UVRAG: variants seen among roughly 807,000 people sequenced by gnomAD.
UVRAG encodes UV radiation resistance associated.
Under a neutral mutation model 78.0 loss-of-function variants are expected in UVRAG, and 19 were observed. That is an observed-to-expected ratio of 0.24 (90% confidence interval 0.17 to 0.36). UVRAG has a LOEUF of 0.36. UVRAG is among the 10% of genes least tolerant of loss of function. The pLI is 1.00. For missense variants in UVRAG, 740 were observed against 853.8 expected (o/e 0.87, Z 1.66); for synonymous variants, 323 against 324.6 (o/e 1.00, Z 0.05).
intron 6 of UVRAG, among the ~76,000 whole-genome samples, chr11:75,945,927 C>T (rs897987169): frequency 7.9e-5 from 12 of 152,052 alleles, no homozygotes; most frequent in Admixed American, 7.2e-4. Context: ...CACTTGACCC[C>T]GTCCCTAGAA....
In UVRAG at chr11:76,004,711, G is replaced by A. The variant is rs527880791; in HGVS notation, c.911+622G>A. ...TGCAGTCGTAGCTCACTATGGCCTC[G>A]AACTTCTGGCCTCAAGTGATGCTCC... On this transcript the variant is annotated intron_variant, in intron 9 of 14. Coordinates refer to ENST00000356136, the MANE Select transcript of UVRAG (RefSeq NM_003369.4). Among the ~76,000 whole-genome samples, 14 of 151,872 alleles carry A rather than the reference G, an allele frequency of 9.2e-5. No individual in the cohort carries two copies. In the South Asian group the frequency reaches 1.7e-3, roughly 18 times the overall value.
intron 3 of UVRAG, among the ~76,000 whole-genome samples, chr11:75,871,593 T>A (rs1946653685): frequency 2.0e-5 from 3 of 152,216 alleles, no homozygotes; most frequent in Admixed American, 2.0e-4. Context: ...CTGCATCTGC[T>A]CTTTTGCTCA....
intron 1 of UVRAG, among the ~76,000 whole-genome samples, chr11:75,833,366 C>T (rs1372249355): frequency 6.6e-6 from 1 of 152,110 alleles, no homozygotes; most frequent in Non-Finnish European, 1.5e-5. Flanking sequence ...CAAGCTTGCT[C>T]TCTTTCTCTC....
intron 12 of UVRAG, among the ~76,000 whole-genome samples, chr11:76,024,755 A>T (rs1950299966): frequency 6.6e-6 from 1 of 152,162 alleles, no homozygotes; most frequent in East Asian, 1.9e-4. Context: ...ATGTTTAGTG[A>T]TTATGCTTAT....
intron 6 of UVRAG, among the ~76,000 whole-genome samples, chr11:75,918,727 T>A (rs11820368): frequency 1.3e-5 from 2 of 152,162 alleles, no homozygotes; most frequent in Non-Finnish European, 2.9e-5. Context: ...ATATATATGT[T>A]AAACAGATAA....
chr11:76,105,173 T>C (rs1293994066), intron 13 of UVRAG, among the ~76,000 whole-genome samples: 1 of 152,156 alleles, frequency 6.6e-6, no homozygotes, highest in East Asian at 1.9e-4. Context: ...CCAGTAGAGA[T>C]ACAGATGGCA....
chr11:76,051,229 T>G (rs1950860196), intron 12 of UVRAG, among the ~76,000 whole-genome samples: 1 of 152,146 alleles, frequency 6.6e-6, no homozygotes, highest in South Asian at 2.1e-4. Flanking sequence ...TTTATGCACC[T>G]TGCATGCTTA....
intron 6 of UVRAG, among the ~76,000 whole-genome samples, chr11:75,914,956 C>A (rs1947818510): frequency 6.6e-6 from 1 of 151,876 alleles, no homozygotes; most frequent in Admixed American, 6.6e-5. Context: ...ACCAGGTGCT[C>A]CTTCATGCTG....
intron 8 of UVRAG, among the ~76,000 whole-genome samples, chr11:75,990,492 CTA>C (rs148525766): frequency 2.0e-3 from 304 of 152,230 alleles, no homozygotes; most frequent in African/African-American, 7.1e-3. Context: ...TGTTTTATTC[CTA>C]TGTCATACTC....
At chr11:75,916,264 C>T (rs1403635295) in intron 6 of UVRAG, 4 of 152,146 alleles carry the variant, frequency 2.6e-5, no homozygotes, top group Non-Finnish European at 4.4e-5. Context: ...GAGCAAGTAA[C>T]GTCAACTTTT....
At chr11:75,928,445 A>G (rs1225181172) in intron 6 of UVRAG, among the ~76,000 whole-genome samples, 1 of 152,156 alleles carries the variant, frequency 6.6e-6, no homozygotes, top group Admixed American at 6.5e-5. Context: ...TAAATTAAAT[A>G]TTTCTAAGAG....
chr11:75,852,267 A>G (rs1458644584), intron 2 of UVRAG, among the ~76,000 whole-genome samples: 3 of 152,224 alleles, frequency 2.0e-5, no homozygotes, highest in Non-Finnish European at 4.4e-5. Flanking sequence ...TAGCATTTCA[A>G]GTAGATTGAA....
chr11:75,828,051 T>C (rs1945554149), intron 1 of UVRAG, among the ~76,000 whole-genome samples: 1 of 152,182 alleles, frequency 6.6e-6, no homozygotes. Flanking sequence ...AAATAGATTA[T>C]GAAGCAAGGT....
At chr11:75,998,519 A>G (rs1949749760) in intron 8 of UVRAG, among the ~76,000 whole-genome samples, 1 of 152,228 alleles carries the variant, frequency 6.6e-6, no homozygotes, top group Admixed American at 6.5e-5. Context: ...AAGAAAAAAA[A>G]ACACTGGATA....
At chr11:75,931,249 T>C (rs1159952708) in intron 6 of UVRAG, among the ~76,000 whole-genome samples, 4 of 152,156 alleles carry the variant, frequency 2.6e-5, no homozygotes, top group African/African-American at 9.7e-5. Flanking sequence ...CTAGTTATTA[T>C]ACTGTTATGT....
chr11:76,000,913 A>G (rs977534562), intron 8 of UVRAG, among the ~76,000 whole-genome samples: 1 of 152,222 alleles, frequency 6.6e-6, no homozygotes, highest in African/African-American at 2.4e-5. Context: ...CAAATGCACA[A>G]TTATAGTTAG....
intron 8 of UVRAG, among the ~76,000 whole-genome samples, chr11:75,990,980 T>C (rs1230597269): frequency 6.6e-6 from 1 of 152,234 alleles, no homozygotes; most frequent in Non-Finnish European, 1.5e-5. Flanking sequence ...GAAAGACTTC[T>C]CTAACTTCTA....
At chr11:76,031,399 G>A (rs1950435836) in intron 12 of UVRAG, among the ~76,000 whole-genome samples, 1 of 152,214 alleles carries the variant, frequency 6.6e-6, no homozygotes. Context: ...TGAGAGAGGA[G>A]AAATGTGGAA....
At chr11:76,137,556 C>T (rs1405204701) in intron 14 of UVRAG, 3 of 429,660 alleles carry the variant, frequency 7.0e-6, no homozygotes, top group Non-Finnish European at 1.4e-5. Flanking sequence ...GATATGTAGA[C>T]TTCTTTATTA....
Sources: allele counts gnomAD v4.1 joint callset (sites outside exome capture counted in the v4.1 genomes callset), GRCh38; gene constraint gnomAD v4.1.1; transcripts MANE v1.5; gene names NCBI Gene and HGNC (gene_info 2026-07-23, HGNC 2026-07-21).